Variants in TFDP2 observed in about 807,000 individuals in gnomAD.
The protein encoded by TFDP2 is transcription factor Dp-2, also known as transcription factor Dp-2 (E2F dimerization partner 2).
A neutral mutation model predicts 59.3 loss-of-function variants in TFDP2; 17 were observed. That is an observed-to-expected ratio of 0.29 (90% confidence interval 0.20 to 0.43). The LOEUF (loss-of-function observed/expected upper bound fraction) is 0.43, where lower values mean the gene tolerates loss of function less well. TFDP2 is among the 20% of genes least tolerant of loss of function. The probability of loss-of-function intolerance (pLI) is 1.00; values close to 1 mark genes in which losing one functional copy is unlikely to be tolerated. For missense variants in TFDP2, 391 were observed against 528.8 expected (o/e 0.74, Z 2.56); for synonymous variants, 180 against 194.7 (o/e 0.92, Z 0.63).
intron 1 of TFDP2, among the ~76,000 whole-genome samples, chr3:142,136,977 G>C (rs572936725): frequency 3.3e-5 from 5 of 151,974 alleles, no homozygotes; most frequent in Non-Finnish European, 7.4e-5. Context: ...ATTACTTTGG[G>C]CAATATAACC....
intron 8 of TFDP2, among the ~76,000 whole-genome samples, chr3:141,973,683 CTTT>C (rs200088518): frequency 0.059 from 7,772 of 132,498 alleles, 261 homozygotes; most frequent in Middle Eastern, 0.12. Flanking sequence ...CGGCTTGATC[CTTT>C]TTTTTTTTTT....
intron 3 of TFDP2, among the ~76,000 whole-genome samples, chr3:142,061,480 C>G (rs1483661334): frequency 6.6e-6 from 1 of 151,998 alleles, no homozygotes; most frequent in African/African-American, 2.4e-5. Context: ...AAGAGACTAG[C>G]ATTTGAATCA....
intron 3 of TFDP2, among the ~76,000 whole-genome samples, chr3:142,027,642 A>C (rs1259338898): frequency 1.3e-5 from 2 of 152,220 alleles, no homozygotes; most frequent in East Asian, 3.8e-4. Flanking sequence ...AGAATGACTA[A>C]ATGCTATTAT....
intron 1 of TFDP2, among the ~76,000 whole-genome samples, chr3:142,113,739 T>C (rs1359354930): frequency 6.6e-6 from 1 of 152,040 alleles, no homozygotes; most frequent in South Asian, 2.1e-4. Flanking sequence ...GAGAAGAAAA[T>C]AGCACCATTT....
chr3:141,946,647 C>A lies in TFDP2; in HGVS notation c.*5866G>T, dbSNP rs1168567684. ...AATCGGATCCCAGAGATTACCTAAGCATCACTTCTCAGAGACGTTTTGGTT... is the reference window on the plus strand; with the variant it reads ...AATCGGATCCCAGAGATTACCTAAGAATCACTTCTCAGAGACGTTTTGGTT... On this transcript the variant is annotated 3_prime_UTR_variant, in exon 13 of 13. Transcript: ENST00000489671. 1.3e-5 allele frequency: 2 copies of A among 152,166 alleles called. No individual in the cohort carries two copies. The highest frequency in any genetic ancestry group is 1.3e-4 in the Admixed American group (2 of 15,268). 9.4% of individuals were successfully genotyped at this position (152,166 alleles called of 1,614,324 possible).
chr3:142,013,471 C>T (rs970087056), intron 3 of TFDP2, among the ~76,000 whole-genome samples: 2 of 152,150 alleles, frequency 1.3e-5, no homozygotes, highest in Admixed American at 6.5e-5. Context: ...ACAGTTTTTC[C>T]TAAGTGCATG....
intron 4 of TFDP2, among the ~76,000 whole-genome samples, chr3:141,999,023 C>G (rs955905500): frequency 6.6e-6 from 1 of 152,128 alleles, no homozygotes; most frequent in East Asian, 1.9e-4. Flanking sequence ...TAAAATAAGA[C>G]AGCCATTAGA....
chr3:141,980,379 CTTTA>C (rs1453240694), intron 6 of TFDP2, among the ~76,000 whole-genome samples: 3 of 151,826 alleles, frequency 2.0e-5, no homozygotes, highest in Non-Finnish European at 4.4e-5. Context: ...CATCTCAAGC[CTTTA>C]TTGTTTCTTT....
chr3:142,051,504 C>A (rs180720492), intron 3 of TFDP2, among the ~76,000 whole-genome samples: 1 of 149,118 alleles, frequency 6.7e-6, no homozygotes, highest in East Asian at 2.0e-4. Flanking sequence ...GCCTGGGAGA[C>A]AGAGAGAGAT....
intron 4 of TFDP2, among the ~76,000 whole-genome samples, chr3:141,996,017 A>G (rs1325731717): frequency 6.6e-6 from 1 of 151,914 alleles, no homozygotes; most frequent in African/African-American, 2.4e-5. Flanking sequence ...TTAATTATTC[A>G]CTATTATAAA....
intron 1 of TFDP2, among the ~76,000 whole-genome samples, chr3:142,114,666 T>G (rs752460102): frequency 2.0e-5 from 3 of 152,148 alleles, no homozygotes; most frequent in Non-Finnish European, 4.4e-5. Context: ...TTTCTTTTTT[T>G]CCTACCTTCT....
chr3:142,115,672 T>C (rs1043042479), intron 1 of TFDP2, among the ~76,000 whole-genome samples: 1 of 152,192 alleles, frequency 6.6e-6, no homozygotes, highest in South Asian at 2.1e-4. Flanking sequence ...ACTTTTGTTG[T>C]TTTTAGTCTT....
At chr3:142,001,730 T>C (rs1172754862) in intron 4 of TFDP2, among the ~76,000 whole-genome samples, 1 of 152,198 alleles carries the variant, frequency 6.6e-6, no homozygotes, top group African/African-American at 2.4e-5. Flanking sequence ...AGAGAAGCCA[T>C]GTTGATCCCT....
chr3:142,081,299 C>T (rs926861493), intron 3 of TFDP2, among the ~76,000 whole-genome samples: 1 of 151,978 alleles, frequency 6.6e-6, no homozygotes, highest in African/African-American at 2.4e-5. Context: ...ATAAAAGAAA[C>T]ACAACACACC....
intron 3 of TFDP2, among the ~76,000 whole-genome samples, chr3:142,010,638 C>G (rs186693603): frequency 0.043 from 6,262 of 146,848 alleles, 487 homozygotes; most frequent in African/African-American, 0.15. Flanking sequence ...AACCTACCAT[C>G]AGAGTGAACA....
chr3:141,975,428 C>T (rs1057419917), intron 7 of TFDP2, among the ~76,000 whole-genome samples: 1 of 152,036 alleles, frequency 6.6e-6, no homozygotes, highest in African/African-American at 2.4e-5. Context: ...AGTGGTGGCT[C>T]ATGCCTGTAA....
rs57040056 is a variant in TFDP2 at position 141,988,645 on chromosome 3, C to T, written c.356+4893G>A. On this transcript the variant is annotated intron_variant, in intron 6 of 12. Coordinates refer to ENST00000489671, the MANE Select transcript of TFDP2 (RefSeq NM_001178139.2). ...TTTCATGTTTTAATATCTTGAAGAA[C>T]TGTTTTTAGCAATCTTTTCTTTTCT... Among the ~76,000 whole-genome samples, 1,263 of 149,414 alleles carry T rather than the reference C, an allele frequency of 8.5e-3. 20 individuals are homozygous for T. Among genetic ancestry groups the T allele is most frequent in the African/African-American group, 0.029 (1,180 of 40,866 alleles).
At chr3:142,095,742 C>T (rs1395779042) in intron 2 of TFDP2, among the ~76,000 whole-genome samples, 1 of 152,096 alleles carries the variant, frequency 6.6e-6, no homozygotes, top group Non-Finnish European at 1.5e-5. Flanking sequence ...GTTTATTGTG[C>T]CATTACTAAT....
intron 4 of TFDP2, among the ~76,000 whole-genome samples, chr3:142,001,870 A>G (rs34186890): frequency 0.25 from 37,503 of 151,844 alleles, 4,618 homozygotes; most frequent in African/African-American, 0.26. Context: ...GTTGTTGTTT[A>G]GTTCTTTTAT....
Sources: gnomAD v4.1 joint callset for allele counts (sites outside exome capture counted in the v4.1 genomes callset) on GRCh38, gnomAD v4.1.1 for gene constraint, MANE v1.5 for transcripts, NCBI Gene and HGNC (gene_info 2026-07-23, HGNC 2026-07-21) for gene names.